Variants in PGAP6 observed in about 807,000 individuals in gnomAD.
PGAP6 encodes the protein post-GPI attachment to proteins factor 6.
PGAP6 carries 62 observed loss-of-function variants against 68.4 expected under a neutral mutation model. That is an observed-to-expected ratio of 0.91 (90% CI 0.74 to 1.12). PGAP6 has a LOEUF of 1.12. Ranked by LOEUF, PGAP6 falls within the 50% of genes most tolerant of loss-of-function variation. The probability of loss-of-function intolerance (pLI) is 0.00; values close to 1 mark genes in which losing one functional copy is unlikely to be tolerated. For synonymous variants in PGAP6, 575 were observed against 474.0 expected, an observed-to-expected ratio of 1.21 and a Z score of -2.77; for missense variants, 1,188 against 1,068.5, an observed-to-expected ratio of 1.11 and a Z score of -1.56.
chr16:376,801 G>C lies in PGAP6; in HGVS notation c.647C>G (p.Pro216Arg), dbSNP rs775590105. ...SHPSYLKVFV[P>R]DYTRELLLEL... Reference sequence around the variant, plus strand: ...CAGCAGAAGCTCCCGCGTGTAATCGGGGACAAAGACCCTGCAGCGAGGGGA... The same window carrying C: ...CAGCAGAAGCTCCCGCGTGTAATCGCGGACAAAGACCCTGCAGCGAGGGGA... The change falls in exon 5 of 13, where the codon CCC becomes CGC. Residue 216 changes from proline to arginine, a missense_variant. Pro to Arg is a moderately radical substitution (Grantham distance 103). Transcript: ENST00000431232. 2 of 1,606,738 alleles carry C rather than the reference G, an allele frequency of 1.2e-6. No homozygotes were observed.
In PGAP6 at chr16:377,764, CG is replaced by C; in HGVS notation, c.205del (p.Arg69AlafsTer65). 1 of 1,591,724 alleles carries C rather than the reference CG, an allele frequency of 6.3e-7. No homozygotes were observed. The highest frequency in any genetic ancestry group is 8.5e-7 in the Non-Finnish European group (1 of 1,169,898). On this transcript the variant is annotated frameshift_variant, in exon 2 of 13. Coordinates refer to ENST00000431232, the MANE Select transcript of PGAP6 (RefSeq NM_021259.3). LOFTEE classifies it high-confidence loss of function. ...CACAGCATCTGGGGGCACGCGGAAG[CG>C]GAAGAGCCTGGCACTGCCGTACCAG... is the stretch of plus-strand genomic sequence containing the variant. Reference protein sequence around the residue: ...YSWYGSARLFRFRVPPDAVLL... With the variant: ...YSWYGSARLFXFRVPPDAVLL...
chr16:373,861 G>T (rs983783943), intron 11 of PGAP6, 144 bp downstream of exon 11: 1 of 1,057,960 alleles, frequency 9.5e-7, no homozygotes, highest in Admixed American at 2.9e-5. Context: ...ACAGGTGTGA[G>T]CCACCATGCT....
intron 6 of PGAP6, 95 bp from the exon 7 acceptor site, chr16:375,530 T>TTTA: frequency 9.8e-7 from 1 of 1,015,980 alleles, no homozygotes; most frequent in Non-Finnish European, 1.5e-6. Flanking sequence ...TGCTGGTGCC[T>TTTA]TTCTTTTTTT....
At chr16:378,207 G>GCCATCGCCACCCGC (rs1567325676) in intron 1 of PGAP6, among the ~76,000 whole-genome samples, 801 of 53,814 alleles carry the variant, frequency 0.015, 43 homozygotes, top group Non-Finnish European at 0.023. Flanking sequence ...TCGCCACCCT[G>GCCATCGCCACCCGC]ACTGCCATCG....
In PGAP6 at chr16:379,552, C is replaced by T. The variant is rs144875242; in HGVS notation, c.122-1704G>A. On this transcript the variant is annotated intron_variant, in intron 1 of 12. Transcript: ENST00000431232. Reference sequence around the variant, plus strand: ...ACAGCCCCCCAGGACCACGGTGTCCCGGAGAAAGCCGGCCTCTGCGGGGGC... The same window carrying T: ...ACAGCCCCCCAGGACCACGGTGTCCTGGAGAAAGCCGGCCTCTGCGGGGGC... Among the ~76,000 whole-genome samples, 6 of 152,352 alleles carry T rather than the reference C, an allele frequency of 3.9e-5. No individual in the cohort carries two copies. The East Asian group carries it at 9.6e-4, about 25-fold the overall frequency.
rs190882418 is a variant in PGAP6 at position 372,658 on chromosome 16, T to C, written c.1972A>G (p.Met658Val). 1 of 1,612,520 alleles carries C rather than the reference T, an allele frequency of 6.2e-7. No homozygotes were observed. The highest frequency in any genetic ancestry group is 8.5e-7 in the Non-Finnish European group (1 of 1,179,874). ...AAGGCAAAGAGGCAGGGCCCCAGCA[T>C]GTTCCACATGCCCCTGCGGTCCAGC... is the stretch of plus-strand genomic sequence containing the variant. Reference protein sequence around the residue: ...LQLDRRGMWNMLGPCLFAFVI... With the variant: ...LQLDRRGMWNVLGPCLFAFVI... Residue 658 changes from methionine to valine, a missense_variant, in exon 12 of 13, where the codon ATG becomes GTG. Transcript: ENST00000431232.
At chr16:385,487 G>GTA (rs2054475766), upstream of PGAP6, among the ~76,000 whole-genome samples, 1 of 142,680 alleles carries the variant, frequency 7.0e-6, no homozygotes, top group African/African-American at 2.6e-5. Context: ...AATTTTTTTT[G>GTA]TTTTTAGTAG....
chr16:376,438 C>T lies in PGAP6; in HGVS notation c.922G>A (p.Val308Met), dbSNP rs568605261. 1.3e-5 allele frequency: 21 copies of T among 1,568,074 alleles called. No homozygotes were observed. The highest frequency in any genetic ancestry group is 9.4e-5 in the African/African-American group (7 of 74,150). The change falls in exon 6 of 13, where the codon GTG becomes ATG. Residue 308 changes from valine to methionine, a missense_variant. Transcript: ENST00000431232. ...CTCTGCAGAAGGGGCTGGATGGTCA[C>T]GCTCCGTGGCCTGCAAGCTGCCGAG... ...AALTACRPRS[V>M]TIQPLLQSSQ... is the part of the protein sequence containing the mutation.
At chr16:381,601 G>A (rs958533633) in intron 1 of PGAP6, 100 bp downstream of exon 1, 2 of 976,686 alleles carry the variant, frequency 2.0e-6, no homozygotes, top group East Asian at 4.9e-5. Flanking sequence ...ACCCCGCGCC[G>A]GCGCCAGATG....
chr16:380,965 C>G (rs939681600), intron 1 of PGAP6, among the ~76,000 whole-genome samples: 1 of 152,248 alleles, frequency 6.6e-6, no homozygotes, highest in Non-Finnish European at 1.5e-5. Context: ...TCCTCACCAT[C>G]TCAGGGTGGC....
At position 375,334 on chromosome 16, in the gene PGAP6, G is replaced by A. The variant is rs774801218; in HGVS notation, c.1315+11C>T. The A allele has an allele frequency of 1.9e-6, 3 of 1,612,784 alleles. No homozygotes were observed. Among genetic ancestry groups the A allele is most frequent in the South Asian group, 1.1e-5 (1 of 91,088 alleles). Reference sequence around the variant, plus strand: ...CGGGGCCACGCTGACGGTGACGCCTGCCCATCATACCTGTGGTGCAGTTGA... The same window carrying A: ...CGGGGCCACGCTGACGGTGACGCCTACCCATCATACCTGTGGTGCAGTTGA... On this transcript the variant is annotated intron_variant, in intron 7 of 12. Transcript: ENST00000431232.
At chr16:375,761 A>C (rs1433725789) in intron 6 of PGAP6, among the ~76,000 whole-genome samples, 1 of 151,318 alleles carries the variant, frequency 6.6e-6, no homozygotes, top group Non-Finnish European at 1.5e-5. Flanking sequence ...CAATCTCCTG[A>C]CCTCGTGATC....
chr16:375,354 A>T lies in PGAP6; in HGVS notation c.1306T>A (p.Cys436Ser). 6.2e-7 allele frequency: 1 copy of T among 1,612,880 alleles called. No homozygotes were observed. Among genetic ancestry groups the T allele is most frequent in the Non-Finnish European group, 8.5e-7 (1 of 1,179,942 alleles). The stretch of plus-strand genomic sequence containing the variant: ...CGCCTGCCCATCATACCTGTGGTGC[A>T]GTTGAGCGAAGTATTGAAGCCAAGG... ...PFLGFNTSLN[C>S]TTAFFQGYPL... is the part of the protein sequence containing the mutation. The change falls in exon 7 of 13, where the codon TGC (cysteine) becomes AGC (serine). Residue 436 changes from cysteine to serine, a missense_variant. Transcript: ENST00000431232.
chr16:381,746 G>C lies in PGAP6; in HGVS notation c.76C>G (p.Leu26Val), dbSNP rs1220187318. The C allele has an allele frequency of 1.7e-6, 2 of 1,178,238 alleles. No individual in the cohort carries two copies. The allele number at this position is 1,178,238 out of a possible 1,614,324, so 73.0% of individuals were successfully genotyped here. A position where few individuals can be genotyped will look rare whatever the true frequency, so the allele number is the denominator to read the frequency against. The stretch of plus-strand genomic sequence containing the variant: ...GCGGAGGCAGGCGGGGGCCGGGCAA[G>C]CAGCAGCAGCAGCAGCGGCCCCGCC... Reference protein sequence around the residue: ...VVAGPLLLLLLARPPPASAGY... With the variant: ...VVAGPLLLLLVARPPPASAGY... Residue 26 changes from leucine (L) to valine (V), a missense_variant, in exon 1 of 13, where the codon CTT becomes GTT. Coordinates refer to ENST00000431232, the MANE Select transcript of PGAP6 (RefSeq NM_021259.3).
intron 1 of PGAP6, among the ~76,000 whole-genome samples, chr16:380,670 G>C (rs912024247): frequency 3.9e-5 from 6 of 152,208 alleles, no homozygotes; most frequent in African/African-American, 7.2e-5. Context: ...TGGCCATGGA[G>C]CAATTTAATC....
At position 376,685 on chromosome 16, in the gene PGAP6, C is replaced by T. The variant is rs371825117; in HGVS notation, c.763G>A (p.Val255Met). Residue 255 changes from valine to methionine, a missense_variant, in exon 5 of 13, where the codon GTG becomes ATG. Physicochemically the swap from Val to Met is conservative, Grantham distance 21. Coordinates refer to ENST00000431232, the MANE Select transcript of PGAP6 (RefSeq NM_021259.3). ...CAGGGGGCACCGGTGCAGGTGAGCA[C>T]CTTCTGGAAGTTGCTAGGCAGGGTG... The part of the protein sequence containing the change: ...PVTLPSNFQK[V>M]LTCTGAPWPC... 8.7e-6 allele frequency: 14 copies of T among 1,611,322 alleles called. No homozygotes were observed. The African/African-American group carries it at 1.1e-4, about 12-fold the overall frequency.
At chr16:380,020 G>A (rs544995798) in intron 1 of PGAP6, among the ~76,000 whole-genome samples, 61 of 152,300 alleles carry the variant, frequency 4.0e-4, no homozygotes, top group Middle Eastern at 3.4e-3. Flanking sequence ...CCTCCAAACC[G>A]GGACAGGCAC....
intron 1 of PGAP6, among the ~76,000 whole-genome samples, chr16:378,741 G>A (rs956023196): frequency 2.6e-5 from 4 of 152,204 alleles, no homozygotes; most frequent in South Asian, 4.1e-4. Flanking sequence ...CGGCGAGACC[G>A]GAGCCCAAAT....
chr16:385,090 C>T (rs572832431), upstream of PGAP6, among the ~76,000 whole-genome samples: 42 of 150,326 alleles, frequency 2.8e-4, no homozygotes, highest in South Asian at 6.6e-3. Flanking sequence ...CACTTGAACC[C>T]GGGAGGTGGA....
Sources: allele counts gnomAD v4.1 joint callset (sites outside exome capture counted in the v4.1 genomes callset), GRCh38; gene constraint gnomAD v4.1.1; transcripts MANE v1.5; gene names NCBI Gene and HGNC (gene_info 2026-07-23, HGNC 2026-07-21).